The following EXT1 variants were observed in gnomAD, a reference collection of about 807,000 sequenced individuals.
EXT1 encodes the protein exostosin-1.
A neutral mutation model predicts 82.5 loss-of-function variants in EXT1; 20 were observed. That is an observed-to-expected ratio of 0.24 (90% CI 0.17 to 0.35). The LOEUF is 0.35. Ranked by LOEUF, EXT1 falls within the 10% of genes least tolerant of loss-of-function variation. The pLI, the probability that EXT1 is intolerant of heterozygous loss-of-function variation, is 1.00. For synonymous variants in EXT1, 348 were observed against 350.8 expected (o/e 0.99, Z 0.09); for missense variants, 757 against 936.5 (o/e 0.81, Z 2.50).
chr8:117,956,920 G>T (rs146919949), intron 1 of EXT1, among the ~76,000 whole-genome samples: 282 of 152,282 alleles, frequency 1.9e-3, no homozygotes, highest in African/African-American at 6.4e-3. Flanking sequence ...GGCACTACCA[G>T]CTGGGGCCTG....
intron 1 of EXT1, among the ~76,000 whole-genome samples, chr8:118,067,908 T>C (rs1442378077): frequency 6.6e-6 from 1 of 152,212 alleles, no homozygotes; most frequent in Non-Finnish European, 1.5e-5. Flanking sequence ...ATTTTCCCAC[T>C]GTGGAAGGTA....
At chr8:117,808,831 C>A (rs139166828) in intron 8 of EXT1, among the ~76,000 whole-genome samples, 1 of 152,102 alleles carries the variant, frequency 6.6e-6, no homozygotes, top group African/African-American at 2.4e-5. Context: ...TTGGAATCCA[C>A]GGGTTCAGTA....
chr8:117,941,133 G>A (rs1030197822), intron 1 of EXT1, among the ~76,000 whole-genome samples: 9 of 152,254 alleles, frequency 5.9e-5, no homozygotes, highest in East Asian at 3.9e-4. Context: ...GAGAAACCCC[G>A]TCTCGGGACT....
At chr8:117,910,934 A>G (rs766195932) in intron 1 of EXT1, among the ~76,000 whole-genome samples, 17 of 152,226 alleles carry the variant, frequency 1.1e-4, no homozygotes, top group Non-Finnish European at 2.1e-4. Context: ...TGAGGCCTAA[A>G]TCTGTTAGAT....
At position 117,804,988 on chromosome 8, in the gene EXT1, C is replaced by T. The variant is rs1044155319; in HGVS notation, c.1884-95G>A. 7.2e-6 allele frequency: 8 copies of T among 1,115,038 alleles called. 1 individual carries two copies. The highest frequency in any genetic ancestry group is 6.7e-5 in the South Asian group (5 of 74,862). 69.1% of individuals were successfully genotyped at this position (1,115,038 alleles called of 1,614,324 possible). On this transcript the variant is annotated intron_variant, in intron 9 of 10. Transcript: ENST00000378204. ...AAAACACATACCCATTCTTTGAATCCCTAAACATGTCATGAATGGTAATGA... is the reference window on the plus strand; with the variant it reads ...AAAACACATACCCATTCTTTGAATCTCTAAACATGTCATGAATGGTAATGA...
At chr8:117,951,302 T>G (rs1015542690) in intron 1 of EXT1, among the ~76,000 whole-genome samples, 3 of 152,228 alleles carry the variant, frequency 2.0e-5, no homozygotes, top group Non-Finnish European at 4.4e-5. Context: ...CTTTCACATG[T>G]TATACAAAGC....
chr8:117,894,125 G>A (rs1813294953), intron 1 of EXT1, among the ~76,000 whole-genome samples: 2 of 152,088 alleles, frequency 1.3e-5, no homozygotes, highest in Non-Finnish European at 2.9e-5. Context: ...AATAGTTCCT[G>A]ACTAAAATCT....
chr8:117,917,673 A>G (rs1488656064), intron 1 of EXT1, among the ~76,000 whole-genome samples: 1 of 152,106 alleles, frequency 6.6e-6, no homozygotes, highest in Non-Finnish European at 1.5e-5. Flanking sequence ...TGATGTGCGT[A>G]TGGTACCACT....
At chr8:118,094,516 AACAG>A (rs1817575302) in intron 1 of EXT1, among the ~76,000 whole-genome samples, 1 of 152,384 alleles carries the variant, frequency 6.6e-6, no homozygotes, top group Admixed American at 6.5e-5. Context: ...AGTTTAATGG[AACAG>A]ACAGAATAAT....
intron 1 of EXT1, among the ~76,000 whole-genome samples, chr8:117,935,321 CT>C (rs3049789): frequency 0.54 from 66,412 of 123,904 alleles, 17,489 homozygotes; most frequent in Middle Eastern, 0.7. Context: ...TTATCTATCA[CT>C]TTTTTTTTTT....
intron 7 of EXT1, among the ~76,000 whole-genome samples, chr8:117,817,364 T>C (rs1811839874): frequency 6.6e-6 from 1 of 152,156 alleles, no homozygotes; most frequent in African/African-American, 2.4e-5. Flanking sequence ...ACTGATTTTG[T>C]CATTCTGGCG....
At chr8:117,996,091 A>G (rs1015785209) in intron 1 of EXT1, among the ~76,000 whole-genome samples, 2 of 152,114 alleles carry the variant, frequency 1.3e-5, no homozygotes, top group African/African-American at 4.8e-5. Context: ...AATATAATAC[A>G]GTGGAAGCAA....
chr8:117,964,692 T>C (rs1272486447), intron 1 of EXT1, among the ~76,000 whole-genome samples: 1 of 152,046 alleles, frequency 6.6e-6, no homozygotes, highest in Non-Finnish European at 1.5e-5. Context: ...GGCTGGAGTG[T>C]AGTGGCATGA....
intron 1 of EXT1, among the ~76,000 whole-genome samples, chr8:117,947,771 T>C (rs1463840386): frequency 6.6e-6 from 1 of 152,136 alleles, no homozygotes; most frequent in South Asian, 2.1e-4. Flanking sequence ...GGATACAAGA[T>C]AAACAAAAGC....
At chr8:117,965,991 T>TACACACACAC (rs1176965487) in intron 1 of EXT1, among the ~76,000 whole-genome samples, 1 of 124,572 alleles carries the variant, frequency 8.0e-6, no homozygotes, top group African/African-American at 4.5e-5. Context: ...CATACATGCA[T>TACACACACAC]ATACACACAC....
intron 1 of EXT1, among the ~76,000 whole-genome samples, chr8:117,930,214 G>T (rs536863264): frequency 1.3e-5 from 2 of 152,236 alleles, no homozygotes; most frequent in South Asian, 4.1e-4. Flanking sequence ...ATCCCAACCA[G>T]TGGGACCAGT....
At chr8:117,906,907 TG>T (rs1430775908) in intron 1 of EXT1, among the ~76,000 whole-genome samples, 1 of 152,170 alleles carries the variant, frequency 6.6e-6, no homozygotes, top group African/African-American at 2.4e-5. Flanking sequence ...TTGACTAATT[TG>T]GAATGGCTAT....
intron 1 of EXT1, among the ~76,000 whole-genome samples, chr8:118,011,641 A>G (rs956294455): frequency 1.3e-5 from 2 of 152,190 alleles, no homozygotes; most frequent in African/African-American, 4.8e-5. Context: ...AAAGTCGCAT[A>G]TGTGGAAAGT....
At chr8:117,984,543 T>G (rs968545179) in intron 1 of EXT1, among the ~76,000 whole-genome samples, 1 of 151,236 alleles carries the variant, frequency 6.6e-6, no homozygotes, top group Non-Finnish European at 1.5e-5. Context: ...GGAAGATACC[T>G]TGGGAAGAGT....
Sources: gnomAD v4.1 joint callset for allele counts (sites outside exome capture counted in the v4.1 genomes callset) on GRCh38, gnomAD v4.1.1 for gene constraint, MANE v1.5 for transcripts, NCBI Gene and HGNC (gene_info 2026-07-23, HGNC 2026-07-21) for gene names.